Variants in CCDC160 observed in about 807,000 individuals in gnomAD.
CCDC160 encodes coiled-coil domain containing 160.
For missense variants in CCDC160, 227 were observed against 215.6 expected, an observed-to-expected ratio of 1.05 and a Z score of -0.33; for synonymous variants, 94 against 79.4, an observed-to-expected ratio of 1.18 and a Z score of -0.98.
chrX:134,241,086 T>C (rs1311020741), intron 1 of CCDC160, among the ~76,000 whole-genome samples: 1 of 111,316 alleles, frequency 9.0e-6, no homozygotes. Context: ...AAATTTCACA[T>C]CCGCTTTAAT....
intron 1 of CCDC160, among the ~76,000 whole-genome samples, chrX:134,239,536 A>G (rs981521790): frequency 1.8e-5 from 2 of 111,932 alleles, no homozygotes; most frequent in Non-Finnish European, 1.9e-5. Context: ...CTGAAGATGC[A>G]GATTAAATTA....
At chrX:134,244,690 C>G in intron 1 of CCDC160, 87 bp from the exon 3 acceptor site, 1 of 884,593 alleles carries the variant, frequency 1.1e-6, no homozygotes. Flanking sequence ...ATTCTTCACC[C>G]GTGAGCCAGC....
chrX:134,244,750 GC>G, intron 1 of CCDC160, 26 bp from the exon 3 acceptor site: 2 of 1,112,945 alleles, frequency 1.8e-6, no homozygotes, highest in Non-Finnish European at 2.4e-6. Context: ...TAATGTGCCT[GC>G]CTTGGTTTTA....
chrX:134,245,312 C>G, exon 2 of CCDC160: 1 of 1,187,370 alleles, frequency 8.4e-7, no homozygotes, highest in Non-Finnish European at 1.1e-6. Context: ...TTTGAAAATG[C>G]TGAAAAAGAA....
chrX:134,245,714 A>G (rs760963226), exon 2 of CCDC160: 1 of 1,188,106 alleles, frequency 8.4e-7, no homozygotes. Context: ...CTTAGAAAAT[A>G]CTATGCTTCT....
chrX:134,245,804 C>T (rs1482155389), downstream of CCDC160: 12 of 1,042,533 alleles, frequency 1.2e-5, no homozygotes, highest in Non-Finnish European at 1.5e-5. Flanking sequence ...TTCCAGTAGG[C>T]AAGTCATTGA....
At chrX:134,246,782 A>G (rs1238131266), downstream of CCDC160, among the ~76,000 whole-genome samples, 3 of 112,272 alleles carry the variant, frequency 2.7e-5, no homozygotes, top group South Asian at 3.7e-4. Context: ...GATATCCTGT[A>G]ATAGGAGCTC....
chrX:134,245,254 G>A (rs189798611), exon 2 of CCDC160: 15 of 1,185,719 alleles, frequency 1.3e-5, no homozygotes, highest in Non-Finnish European at 1.7e-5. Flanking sequence ...TCTTTTGAAT[G>A]AAGAACTGGA....
At chrX:134,245,278 A>C (rs2077039287) in exon 2 of CCDC160, 1 of 1,186,579 alleles carries the variant, frequency 8.4e-7, no homozygotes, top group African/African-American at 1.8e-5. Context: ...ACTTAATATG[A>C]AATACAGAAA....
At chrX:134,240,908 A>G (rs2077025762) in intron 1 of CCDC160, among the ~76,000 whole-genome samples, 5 of 108,248 alleles carry the variant, frequency 4.6e-5, no homozygotes, top group Admixed American at 4.0e-4. Flanking sequence ...AACTCCTGAC[A>G]TCAAGTTATC....
intron 1 of CCDC160, among the ~76,000 whole-genome samples, chrX:134,237,623 T>C (rs1471487049): frequency 1.8e-5 from 2 of 111,692 alleles, no homozygotes; most frequent in African/African-American, 3.3e-5. Flanking sequence ...GTGGAAAGTG[T>C]CACCTGCAAT....
chrX:134,242,893 A>G (rs2077031796), intron 1 of CCDC160, among the ~76,000 whole-genome samples: 1 of 111,170 alleles, frequency 9.0e-6, no homozygotes, highest in South Asian at 3.9e-4. Flanking sequence ...TTTATCATCT[A>G]TATAATTGTT....
chrX:134,237,799 C>T (rs2077014740), intron 1 of CCDC160, among the ~76,000 whole-genome samples: 1 of 111,993 alleles, frequency 8.9e-6, no homozygotes. Context: ...TCTCAGCCTT[C>T]GGAATTAAGG....
At chrX:134,241,843 C>A (rs1312924728) in intron 1 of CCDC160, among the ~76,000 whole-genome samples, 1 of 111,989 alleles carries the variant, frequency 8.9e-6, no homozygotes, top group Non-Finnish European at 1.9e-5. Context: ...TATGCTGGAA[C>A]AAATTACCTA....
intron 1 of CCDC160, among the ~76,000 whole-genome samples, chrX:134,243,617 ATATT>A (rs2077033742): frequency 8.9e-6 from 1 of 112,413 alleles, no homozygotes; most frequent in African/African-American, 3.2e-5. Context: ...ATCAAAGAAA[ATATT>A]AATTAAGAAA....
intron 1 of CCDC160, 40 bp from the exon 2 acceptor site, chrX:134,238,710 G>A (rs2077018498): frequency 9.0e-6 from 1 of 111,354 alleles, no homozygotes; most frequent in African/African-American, 3.3e-5. Flanking sequence ...ATATAAACAC[G>A]GGTTTGGGCA....
intron 1 of CCDC160, chrX:134,238,753 G>A (rs1471155512): frequency 8.9e-6 from 1 of 111,906 alleles, no homozygotes; most frequent in African/African-American, 3.3e-5. Context: ...ATTACAGGGA[G>A]GGAGGCGGAA....
intron 1 of CCDC160, among the ~76,000 whole-genome samples, chrX:134,239,576 A>G (rs1405871102): frequency 9.0e-6 from 1 of 111,069 alleles, no homozygotes; most frequent in Non-Finnish European, 1.9e-5. Context: ...GCTTCCTTAT[A>G]TTTATTTTAA....
chrX:134,240,178 GA>G (rs893891907), intron 1 of CCDC160, among the ~76,000 whole-genome samples: 1 of 111,229 alleles, frequency 9.0e-6, no homozygotes, highest in Non-Finnish European at 1.9e-5. Context: ...GAAAAAGAGA[GA>G]AAAAAAAGGT....
Sources: gnomAD v4.1 joint callset for allele counts (sites outside exome capture counted in the v4.1 genomes callset) on GRCh38, gnomAD v4.1.1 for gene constraint, MANE v1.5 for transcripts, NCBI Gene and HGNC (gene_info 2026-07-23, HGNC 2026-07-21) for gene names.